NDEL1: variants seen among roughly 807,000 people sequenced by gnomAD.
The protein encoded by NDEL1 is nuclear distribution protein nudE-like 1.
NDEL1 carries 9 observed loss-of-function variants against 45.7 expected under a neutral mutation model. That is an observed-to-expected ratio of 0.20 (90% CI 0.12 to 0.34). The LOEUF (loss-of-function observed/expected upper bound fraction) is 0.34. Ranked by LOEUF, NDEL1 falls within the 10% of genes least tolerant of loss-of-function variation. NDEL1 has a pLI of 1.00. For missense variants in NDEL1, 306 were observed against 406.2 expected, an observed-to-expected ratio of 0.75 and a Z score of 2.12; for synonymous variants, 133 against 158.6, an observed-to-expected ratio of 0.84 and a Z score of 1.21.
chr17:8,446,673 C>CT (rs386364879), intron 3 of NDEL1, 81 bp from the exon 4 acceptor site: 38 of 1,478,214 alleles, frequency 2.6e-5, no homozygotes, highest in Admixed American at 2.4e-4. Context: ...GGTTCCCCCC[C>CT]ACCCTTTTAA....
chr17:8,461,704 T>C (rs1189094581), intron 8 of NDEL1, among the ~76,000 whole-genome samples: 1 of 152,212 alleles, frequency 6.6e-6, no homozygotes, highest in Non-Finnish European at 1.5e-5. Context: ...AGCGTAGCCA[T>C]TTCCCCTGAA....
At chr17:8,434,208 G>T (rs960529730), upstream of NDEL1, among the ~76,000 whole-genome samples, 8 of 152,174 alleles carry the variant, frequency 5.3e-5, no homozygotes, top group African/African-American at 1.9e-4. Flanking sequence ...ATTGCCTGAA[G>T]TCAGGAGTTC....
chr17:8,443,469 G>A (rs1909890213), intron 1 of NDEL1, among the ~76,000 whole-genome samples: 1 of 152,172 alleles, frequency 6.6e-6, no homozygotes, highest in African/African-American at 2.4e-5. Context: ...AAAGAGCCTG[G>A]TGTGTTAAGA....
intron 1 of NDEL1, among the ~76,000 whole-genome samples, chr17:8,442,574 T>C (rs1379048385): frequency 6.6e-6 from 1 of 152,140 alleles, no homozygotes; most frequent in Non-Finnish European, 1.5e-5. Context: ...CCCCATGTGT[T>C]GGGATTACAG....
Position 8,451,137 on chromosome 17 carries a change from A to G in NDEL1, c.700+184A>G, listed in dbSNP as rs1910481804. Reference sequence around the variant, plus strand: ...CCACTAATATATAGGAAACAGTGAAATGATGGTTACATTTAAGATGAGATT... The same window carrying G: ...CCACTAATATATAGGAAACAGTGAAGTGATGGTTACATTTAAGATGAGATT... On this transcript the variant is annotated intron_variant, in intron 6 of 8. Coordinates refer to ENST00000334527, the MANE Select transcript of NDEL1 (RefSeq NM_030808.5). 2.0e-5 allele frequency among the ~76,000 whole-genome samples: 3 copies of G among 152,230 alleles called. No homozygotes were observed. In the South Asian group the frequency reaches 6.2e-4, roughly 31 times the overall value.
At chr17:8,456,377 T>C (rs1201828267) in intron 7 of NDEL1, among the ~76,000 whole-genome samples, 1 of 152,204 alleles carries the variant, frequency 6.6e-6, no homozygotes, top group Non-Finnish European at 1.5e-5. Flanking sequence ...TATTTTTCTG[T>C]TTATCTTGAT....
intron 8 of NDEL1, among the ~76,000 whole-genome samples, chr17:8,464,076 T>G (rs1911418852): frequency 6.6e-6 from 1 of 152,242 alleles, no homozygotes; most frequent in Non-Finnish European, 1.5e-5. Flanking sequence ...TCAGCTGCTT[T>G]GGATTTATTG....
At chr17:8,457,707 A>G (rs1391766708) in intron 7 of NDEL1, among the ~76,000 whole-genome samples, 2 of 152,076 alleles carry the variant, frequency 1.3e-5, no homozygotes, top group African/African-American at 4.8e-5. Flanking sequence ...CTCTATTTGT[A>G]GCCATTCCTC....
chr17:8,421,841 T>A (rs548048090), intron 1 of NDEL1, among the ~76,000 whole-genome samples: 32 of 152,336 alleles, frequency 2.1e-4, no homozygotes, highest in Non-Finnish European at 4.1e-4. Context: ...CATCACATTC[T>A]GCAGACTGGC....
At chr17:8,450,479 G>A (rs1476340274) in intron 5 of NDEL1, among the ~76,000 whole-genome samples, 1 of 152,146 alleles carries the variant, frequency 6.6e-6, no homozygotes, top group Non-Finnish European at 1.5e-5. Context: ...AAGCAAATAA[G>A]TTGGTGAAGA....
At chr17:8,450,090 C>G (rs1257545204) in intron 5 of NDEL1, among the ~76,000 whole-genome samples, 1 of 151,970 alleles carries the variant, frequency 6.6e-6, no homozygotes, top group Non-Finnish European at 1.5e-5. Flanking sequence ...CGAGACCAGC[C>G]TGACCAACAT....
Position 8,465,623 on chromosome 17 carries a change from A to G in NDEL1, c.945-1307A>G, listed in dbSNP as rs757992740. 4.6e-5 allele frequency: 7 copies of G among 151,206 alleles called. 1 individual carries two copies. The highest frequency in any genetic ancestry group is 8.8e-5 in the Non-Finnish European group (6 of 67,888). The allele number at this position is 151,206 out of a possible 1,614,324, so 9.4% of individuals were successfully genotyped here. A position where few individuals can be genotyped will look rare whatever the true frequency, so the allele number is the denominator to read the frequency against. ...GTACGAAACAGCTGTCTCTGCAGGGAGTGTGTGTCGGCATTTTTTTTTTTT... is the reference window on the plus strand; with the variant it reads ...GTACGAAACAGCTGTCTCTGCAGGGGGTGTGTGTCGGCATTTTTTTTTTTT... On this transcript the variant is annotated intron_variant, in intron 8 of 8. Coordinates refer to ENST00000334527, the MANE Select transcript of NDEL1 (RefSeq NM_030808.5). The surrounding 1 kb of genome is among the most constrained non-coding windows in gnomAD (Gnocchi z 4.9).
rs1434256360 is a variant in NDEL1, at chr17:8,454,877, G to A, written c.782G>A (p.Arg261Gln). 1 of 1,612,506 alleles carries A rather than the reference G, an allele frequency of 6.2e-7. No individual in the cohort carries two copies. Among genetic ancestry groups the A allele is most frequent in the Admixed American group, 1.7e-5 (1 of 59,812 alleles). ...SALNIVGDLL[R>Q]KVGALESKLA... ...CTAAACATCGTGGGGGATCTCTTAC[G>A]GAAAGTAGGGGTAAGTTTCAATTAT... The change falls in exon 7 of 9, where the codon CGG becomes CAG. Residue 261 changes from arginine (R) to glutamine (Q), a missense_variant. Transcript: ENST00000334527.
At chr17:8,458,957 C>A (rs1490924632) in intron 7 of NDEL1, among the ~76,000 whole-genome samples, 4 of 152,152 alleles carry the variant, frequency 2.6e-5, no homozygotes, top group Non-Finnish European at 5.9e-5. Context: ...GTCTCGAACT[C>A]ATGGCCTCAA....
intron 1 of NDEL1, among the ~76,000 whole-genome samples, chr17:8,421,383 C>T (rs1908702914): frequency 6.6e-6 from 1 of 152,078 alleles, no homozygotes. Context: ...TCTGGGTCAG[C>T]TCAATGTAAT....
intron 1 of NDEL1, among the ~76,000 whole-genome samples, chr17:8,437,379 T>C (rs1361437821): frequency 1.3e-5 from 2 of 152,342 alleles, no homozygotes; most frequent in East Asian, 3.9e-4. Context: ...AAATTGAAGT[T>C]GGATAAAGAG....
Position 8,466,977 on chromosome 17 carries a change from C to T in NDEL1, c.992C>T (p.Ser331Phe), listed in dbSNP as rs1911637182. The T allele has an allele frequency of 1.2e-6, 2 of 1,614,218 alleles. No individual in the cohort carries two copies. Among genetic ancestry groups the T allele is most frequent in the Admixed American group, 3.3e-5 (2 of 60,024 alleles). ...GCTCCTCCTCCTCCTGGTCTGGGCT[C>T]CTCGCGTCCATCGTCAGCGCCGGGT... ...DPAPPPPGLG[S>F]SRPSSAPGML... Residue 331 changes from serine (S) to phenylalanine (F), a missense_variant, in exon 9 of 9, where the codon TCC becomes TTC. Ser to Phe is a radical substitution (Grantham distance 155). This residue lies in a region of NDEL1 where 175 missense variants were observed against 205.2 expected (regional missense o/e 0.85). Coordinates refer to ENST00000334527, the MANE Select transcript of NDEL1 (RefSeq NM_030808.5).
chr17:8,447,524 T>A (rs1248117900), intron 4 of NDEL1, among the ~76,000 whole-genome samples: 1 of 152,242 alleles, frequency 6.6e-6, no homozygotes, highest in Non-Finnish European at 1.5e-5. Context: ...ACTTCCATAC[T>A]TCCTGTAGGT....
At chr17:8,431,503 G>A (rs1363466990), upstream of NDEL1, 1 of 152,242 alleles carries the variant, frequency 6.6e-6, no homozygotes, top group Non-Finnish European at 1.5e-5. Flanking sequence ...CAGTGCTCTA[G>A]CCCAATACAT....
Sources: allele counts gnomAD v4.1 joint callset (sites outside exome capture counted in the v4.1 genomes callset), GRCh38; gene constraint gnomAD v4.1.1; regional missense constraint gnomAD v4.1.1; non-coding constraint Gnocchi (gnomAD v3.1); transcripts MANE v1.5; gene names NCBI Gene and HGNC (gene_info 2026-07-23, HGNC 2026-07-21).